The following NUP35 variants were observed in gnomAD, a reference collection of about 807,000 sequenced individuals.
NUP35 encodes the protein nucleoporin NUP35.
NUP35 carries 25 observed loss-of-function variants against 41.5 expected under a neutral mutation model. That is an observed-to-expected ratio of 0.60 (90% CI 0.44 to 0.84). The LOEUF is 0.84. Ranked by LOEUF, NUP35 falls within the 40% of genes least tolerant of loss-of-function variation. The pLI, the probability that NUP35 is intolerant of heterozygous loss-of-function variation, is 0.00. For missense variants in NUP35, 396 were observed against 396.6 expected (o/e 1.00, Z 0.01); for synonymous variants, 149 against 130.7 (o/e 1.14, Z -0.96).
At chr2:183,159,173 C>T (rs767844445) in intron 7 of NUP35, among the ~76,000 whole-genome samples, 9 of 152,088 alleles carry the variant, frequency 5.9e-5, no homozygotes, top group Non-Finnish European at 1.2e-4. Context: ...TTGATTCTTT[C>T]CAATCCAGGT....
intron 5 of NUP35, among the ~76,000 whole-genome samples, chr2:183,156,134 G>A (rs1354312400): frequency 6.6e-6 from 1 of 152,100 alleles, no homozygotes; most frequent in African/African-American, 2.4e-5. Flanking sequence ...AGTGGTCCAA[G>A]AGTTTTAGAA....
At chr2:183,153,618 G>T (rs1227517255) in intron 5 of NUP35, among the ~76,000 whole-genome samples, 1 of 152,192 alleles carries the variant, frequency 6.6e-6, no homozygotes, top group Non-Finnish European at 1.5e-5. Flanking sequence ...TGCAAGAGGT[G>T]GGTTCCCATG....
At chr2:183,143,255 A>T (rs567313099) in intron 4 of NUP35, among the ~76,000 whole-genome samples, 4 of 149,146 alleles carry the variant, frequency 2.7e-5, no homozygotes, top group South Asian at 4.2e-4. Flanking sequence ...TCTTGCTCTT[A>T]TTGTCTCGTC....
intron 5 of NUP35, among the ~76,000 whole-genome samples, chr2:183,155,523 GT>G (rs1271054072): frequency 6.8e-6 from 1 of 147,076 alleles, no homozygotes; most frequent in East Asian, 2.0e-4. Flanking sequence ...GGGCTGGTGT[GT>G]TTTTTTTCTT....
rs143441820 is a variant in NUP35 at position 183,133,748 on chromosome 2, C to T, written c.397+125C>T. The T allele has an allele frequency of 4.9e-3, 2,585 of 524,216 alleles. 8 individuals carry two copies. Among genetic ancestry groups the T allele is most frequent in the Middle Eastern group, 0.014 (26 of 1,898 alleles). The allele number at this position is 524,216 out of a possible 1,614,324, so 32.5% of individuals were successfully genotyped here. A position where few individuals can be genotyped will look rare whatever the true frequency, so the allele number is the denominator to read the frequency against. ...TGACACCAAATACTTCTCTATTCTT[C>T]GAATGAATTTAATATAAAATGTTTG... On this transcript the variant is annotated intron_variant, in intron 4 of 8. Transcript: ENST00000295119.
intron 6 of NUP35, 27 bp downstream of exon 6, chr2:183,157,540 A>G (rs764426063): frequency 6.9e-7 from 1 of 1,457,404 alleles, no homozygotes; most frequent in South Asian, 1.2e-5. Flanking sequence ...TTCAGTTCAG[A>G]GTTTTGACTA....
At chr2:183,132,410 A>G (rs78858069) in intron 3 of NUP35, among the ~76,000 whole-genome samples, 2 of 151,136 alleles carry the variant, frequency 1.3e-5, no homozygotes, top group Non-Finnish European at 3.0e-5. Flanking sequence ...AAAAAAAAAA[A>G]GGCTAGATGT....
intron 5 of NUP35, among the ~76,000 whole-genome samples, chr2:183,154,188 T>A (rs571458457): frequency 6.6e-6 from 1 of 152,310 alleles, no homozygotes; most frequent in Non-Finnish European, 1.5e-5. Context: ...CCTCCAGGCC[T>A]ATGATGGGAT....
chr2:183,157,381 A>T, intron 5 of NUP35, 63 bp from the exon 6 acceptor site: 1 of 1,125,638 alleles, frequency 8.9e-7, no homozygotes, highest in Non-Finnish European at 1.4e-6. Flanking sequence ...ATTATCTTGT[A>T]GTAATTTGCA....
chr2:183,134,527 A>G (rs1229576942), intron 4 of NUP35, among the ~76,000 whole-genome samples: 4 of 151,880 alleles, frequency 2.6e-5, no homozygotes, highest in African/African-American at 9.7e-5. Context: ...TCATTTCTGG[A>G]GGTCGGAAGT....
At chr2:183,120,445 C>CAA (rs3029530), upstream of NUP35, among the ~76,000 whole-genome samples, 6,521 of 118,070 alleles carry the variant, frequency 0.055, 618 homozygotes, top group African/African-American at 0.19. Flanking sequence ...GACTCCGTCT[C>CAA]AAAAAAAAAA....
chr2:183,132,380 C>G (rs1056845650), intron 3 of NUP35, among the ~76,000 whole-genome samples: 1 of 149,152 alleles, frequency 6.7e-6, no homozygotes, highest in African/African-American at 2.5e-5. Context: ...TGGCGAAACT[C>G]TTGTCTCTAC....
chr2:183,149,901 C>CT lies in NUP35; in HGVS notation c.398-1599dup, dbSNP rs548031755. On this transcript the variant is annotated intron_variant, in intron 4 of 8. Coordinates refer to ENST00000295119, the MANE Select transcript of NUP35 (RefSeq NM_138285.5). ...TAATAATCACTTAATAAAATGCTAC[C>CT]TTTTTTTTAATTTTTTTATTTTTTT... 1.1e-4 allele frequency among the ~76,000 whole-genome samples: 17 copies of CT among 151,874 alleles called. 1 individual carries two copies. The highest frequency in any genetic ancestry group is 3.9e-4 in the African/African-American group (16 of 41,394).
At chr2:183,135,088 T>A (rs1010521512) in intron 4 of NUP35, among the ~76,000 whole-genome samples, 7 of 152,168 alleles carry the variant, frequency 4.6e-5, no homozygotes, top group Admixed American at 4.6e-4. Context: ...GTGAATACAT[T>A]GGGCCCTTCT....
chr2:183,132,213 G>T (rs1350101124), intron 3 of NUP35, among the ~76,000 whole-genome samples: 1 of 151,834 alleles, frequency 6.6e-6, no homozygotes, highest in African/African-American at 2.4e-5. Flanking sequence ...TGTAGAGATG[G>T]GATTTGTCCT....
chr2:183,130,386 CCTTTTT>C, intron 2 of NUP35, 26 bp from the exon 3 acceptor site: 1 of 1,285,452 alleles, frequency 7.8e-7, no homozygotes, highest in Non-Finnish European at 1.1e-6. Flanking sequence ...AAGAAGAATC[CCTTTTT>C]TTTTTTTTTT....
At chr2:183,124,727 GC>G (rs1025590640) in intron 1 of NUP35, among the ~76,000 whole-genome samples, 20 of 152,190 alleles carry the variant, frequency 1.3e-4, no homozygotes, top group African/African-American at 4.3e-4. Context: ...TGAAGAAAAG[GC>G]CGTCTGGCGG....
chr2:183,148,487 A>G (rs745595070), intron 4 of NUP35, among the ~76,000 whole-genome samples: 3 of 152,096 alleles, frequency 2.0e-5, no homozygotes, highest in Non-Finnish European at 4.4e-5. Context: ...TTGTTTAACA[A>G]TAGCCATTCT....
At chr2:183,158,087 A>C (rs1685735728) in intron 6 of NUP35, among the ~76,000 whole-genome samples, 196 bp from the exon 7 acceptor site, 1 of 152,138 alleles carries the variant, frequency 6.6e-6, no homozygotes, top group Non-Finnish European at 1.5e-5. Context: ...GAATATGTAC[A>C]TGTTGATTGT....
Sources: allele counts gnomAD v4.1 joint callset (sites outside exome capture counted in the v4.1 genomes callset), GRCh38; gene constraint gnomAD v4.1.1; transcripts MANE v1.5; gene names NCBI Gene and HGNC (gene_info 2026-07-23, HGNC 2026-07-21).